The following DNAH8 variants were observed in gnomAD, a reference collection of about 807,000 sequenced individuals.
DNAH8 encodes axonemal beta dynein heavy chain 8.
In DNAH8, 382 loss-of-function variants were observed where a neutral mutation model predicts 562.1. That is an observed-to-expected ratio of 0.68 (90% CI 0.63 to 0.74). DNAH8 has a LOEUF of 0.74. Ranked by LOEUF, DNAH8 falls within the 30% of genes least tolerant of loss-of-function variation. The pLI is 0.00. For missense variants in DNAH8, 5,203 were observed against 5,620.4 expected (o/e 0.93, Z 2.37); for synonymous variants, 1,881 against 1,919.4 (o/e 0.98, Z 0.52).
In DNAH8 at chr6:38,917,794, A is replaced by G. The variant is rs1781422821; in HGVS notation, c.10309-131A>G. On this transcript the variant is annotated intron_variant, in intron 69 of 92. Transcript: ENST00000327475. ...TACAGATTTAGGTTGGCTACTGCCA[A>G]TAGTCTCAATTTGTGTATTTAGAGC... The G allele has an allele frequency of 1.1e-5, 7 of 661,246 alleles. No individual in the cohort carries two copies. In the South Asian group the frequency reaches 1.2e-4, roughly 12 times the overall value. 41.0% of individuals were successfully genotyped at this position (661,246 alleles called of 1,614,324 possible). A position where few individuals can be genotyped will look rare whatever the true frequency, so the allele number is the denominator to read the frequency against.
At chr6:38,952,195 G>A (rs1761950232) in intron 82 of DNAH8, among the ~76,000 whole-genome samples, 1 of 152,140 alleles carries the variant, frequency 6.6e-6, no homozygotes, top group Non-Finnish European at 1.5e-5. Flanking sequence ...TTTACCAGGT[G>A]GGGTGGTGGG....
intron 87 of DNAH8, among the ~76,000 whole-genome samples, chr6:38,988,505 A>G (rs1031734121): frequency 6.6e-6 from 1 of 152,166 alleles, no homozygotes; most frequent in Non-Finnish European, 1.5e-5. Context: ...GAAAAATCTA[A>G]TATTTCTAAG....
In DNAH8 at chr6:38,945,460, T is replaced by A. The variant is rs1413515898; in HGVS notation, c.12008-7T>A. The A allele has an allele frequency of 5.0e-6, 8 of 1,613,924 alleles. No homozygotes were observed. Among genetic ancestry groups the A allele is most frequent in the Non-Finnish European group, 6.8e-6 (8 of 1,179,928 alleles). On this transcript the variant is annotated splice_polypyrimidine_tract_variant and splice_region_variant and intron_variant, in intron 79 of 92. Transcript: ENST00000327475. Reference sequence around the variant, plus strand: ...CCCAATTCACCCTGTCTGACGCTCTTCCCCAGGGGGAGCAGCTCTGGACCT... The same window carrying A: ...CCCAATTCACCCTGTCTGACGCTCTACCCCAGGGGGAGCAGCTCTGGACCT...
Position 38,931,811 on chromosome 6 carries a change from G to A in DNAH8, c.11275G>A (p.Val3759Met). ...TAATTTTATATGTGAATTTATGTAG[G>A]TGAAAGTCGGTGATAAGGAATGTGA... ...NFIKSGTTFK[V>M]KVGDKECDIM... The change falls in exon 76 of 93, where the codon GTG (valine) becomes ATG (methionine). Residue 3759 changes from valine to methionine, a missense_variant and splice_region_variant. By Grantham distance (21) the Val-to-Met change is conservative (BLOSUM62 1). Transcript: ENST00000327475. 1 of 1,543,910 alleles carries A rather than the reference G, an allele frequency of 6.5e-7. No individual in the cohort carries two copies. The highest frequency in any genetic ancestry group is 8.7e-7 in the Non-Finnish European group (1 of 1,145,820).
intron 1 of DNAH8, among the ~76,000 whole-genome samples, chr6:38,717,386 C>A (rs925681728): frequency 2.6e-5 from 4 of 152,052 alleles, no homozygotes; most frequent in African/African-American, 4.8e-5. Flanking sequence ...TGCAGTGGCG[C>A]CATCTTGGCT....
chr6:38,811,068 C>A (rs1042415972), intron 24 of DNAH8, among the ~76,000 whole-genome samples: 1 of 152,120 alleles, frequency 6.6e-6, no homozygotes, highest in African/African-American at 2.4e-5. Context: ...TTCTTTACCC[C>A]GTGTGGATTT....
chr6:38,874,062 C>CTTCCTT (rs1777722107), intron 52 of DNAH8, among the ~76,000 whole-genome samples: 1 of 38,322 alleles, frequency 2.6e-5, no homozygotes, highest in African/African-American at 1.0e-4. Context: ...TTCTTTCTTT[C>CTTCCTT]TTTCTTTTTC....
intron 82 of DNAH8, among the ~76,000 whole-genome samples, chr6:38,958,512 C>T (rs1449416489): frequency 1.3e-5 from 2 of 149,492 alleles, no homozygotes; most frequent in East Asian, 3.9e-4. Context: ...TACATGCCAA[C>T]AAATTGGAAA....
At chr6:39,012,394 T>G in intron 90 of DNAH8, 27 bp downstream of exon 90, 1 of 1,608,072 alleles carries the variant, frequency 6.2e-7, no homozygotes, top group Middle Eastern at 1.7e-4. Context: ...TCAGTAGGCA[T>G]TTCCTTCTTT....
intron 83 of DNAH8, among the ~76,000 whole-genome samples, chr6:38,973,326 G>A (rs984261933): frequency 4.6e-5 from 7 of 152,144 alleles, no homozygotes; most frequent in Non-Finnish European, 8.8e-5. Context: ...CCTTAGGCAG[G>A]ACAACTTGTT....
intron 8 of DNAH8, among the ~76,000 whole-genome samples, chr6:38,742,817 T>C (rs981994977): frequency 3.3e-5 from 5 of 152,044 alleles, no homozygotes; most frequent in African/African-American, 1.2e-4. Context: ...TTCTGTGGTA[T>C]GTATGTGTGA....
At chr6:38,718,412 T>C (rs1233386873) in intron 1 of DNAH8, among the ~76,000 whole-genome samples, 1 of 152,116 alleles carries the variant, frequency 6.6e-6, no homozygotes. Context: ...GTTGATCTTT[T>C]AGTATTTAGA....
chr6:38,799,409 G>T lies in DNAH8; in HGVS notation c.2902-3770G>T, dbSNP rs1000064051. On this transcript the variant is annotated intron_variant, in intron 21 of 92. Coordinates refer to ENST00000327475, the MANE Select transcript of DNAH8 (RefSeq NM_001206927.2). ...CCTCTCCACTGGGTCCTTCTCTCCA[G>T]CAGTATCATATGCTCTCATGCTTTC... Among the ~76,000 whole-genome samples, 3 of 151,918 alleles carry T rather than the reference G, an allele frequency of 2.0e-5. No homozygotes were observed. In the East Asian group the frequency reaches 5.8e-4, roughly 29 times the overall value.
intron 82 of DNAH8, 115 bp from the exon 83 acceptor site, chr6:38,971,477 T>A (rs1763346708): frequency 1.6e-6 from 1 of 625,558 alleles, no homozygotes; most frequent in East Asian, 3.2e-5. Flanking sequence ...CAAAGATTTT[T>A]TTTTTTTTTT....
In DNAH8 at chr6:38,894,793, T is replaced by G; in HGVS notation, c.8676T>G (p.Ala2892=). ...GGCAAGGAATGTTGACCATAAAAGC[T>G]GAGGAGTGCGCTTCAATCCCTACTC... is the stretch of plus-strand genomic sequence containing the variant. ...RIWQGMLTIK[A]EECASIPTLL... is the part of the protein sequence containing the mutation. Residue 2892 remains alanine (A), a synonymous_variant, in exon 59 of 93, where the codon GCT becomes GCG. Coordinates refer to ENST00000327475, the MANE Select transcript of DNAH8 (RefSeq NM_001206927.2). The G allele has an allele frequency of 6.2e-7, 1 of 1,614,116 alleles. No homozygotes were observed. Among genetic ancestry groups the G allele is most frequent in the Non-Finnish European group, 8.5e-7 (1 of 1,179,998 alleles).
At position 38,804,494 on chromosome 6, in the gene DNAH8, C is replaced by G. The variant is rs150717513; in HGVS notation, c.3035-987C>G. Among the ~76,000 whole-genome samples, 322 of 152,252 alleles carry G rather than the reference C, an allele frequency of 2.1e-3. 2 individuals are homozygous for G. The highest frequency in any genetic ancestry group is 7.2e-3 in the African/African-American group (299 of 41,530). On this transcript the variant is annotated intron_variant, in intron 22 of 92. Transcript: ENST00000327475. Reference sequence around the variant, plus strand: ...GATCCCTGTTTACTACGCACCTGCTCTTCTCCCCAGCTGCTGCTCAGGGAA... The same window carrying G: ...GATCCCTGTTTACTACGCACCTGCTGTTCTCCCCAGCTGCTGCTCAGGGAA...
At chr6:38,977,419 G>T (rs1343619199) in intron 85 of DNAH8, among the ~76,000 whole-genome samples, 2 of 152,174 alleles carry the variant, frequency 1.3e-5, no homozygotes, top group African/African-American at 4.8e-5. Context: ...TTTGCCAGTG[G>T]CCCTTCTGCC....
chr6:38,732,662 A>G (rs1763743783), intron 4 of DNAH8, among the ~76,000 whole-genome samples: 1 of 152,194 alleles, frequency 6.6e-6, no homozygotes. Flanking sequence ...ATTCATCAGT[A>G]GACTTCCATC....
chr6:38,900,790 T>C (rs1780022916), intron 62 of DNAH8, among the ~76,000 whole-genome samples: 1 of 152,160 alleles, frequency 6.6e-6, no homozygotes. Flanking sequence ...CCAATTTTTG[T>C]ATTTTTAGTA....
Sources: allele counts gnomAD v4.1 joint callset (sites outside exome capture counted in the v4.1 genomes callset), GRCh38; gene constraint gnomAD v4.1.1; transcripts MANE v1.5; gene names NCBI Gene and HGNC (gene_info 2026-07-23, HGNC 2026-07-21).